PCDHA10: variants seen among roughly 807,000 people sequenced by gnomAD.
PCDHA10 encodes the protein protocadherin alpha 10, also known as protocadherin alpha-10.
PCDHA10 carries 45 observed loss-of-function variants against 61.2 expected under a neutral mutation model. The observed-to-expected ratio is 0.74, with a 90% CI of 0.58 to 0.94. PCDHA10 has a LOEUF of 0.94. PCDHA10 is among the 40% of genes least tolerant of loss of function. The pLI, the probability that PCDHA10 is intolerant of heterozygous loss-of-function variation, is 0.00. For missense variants in PCDHA10, 1,278 were observed against 1,236.2 expected (o/e 1.03, Z -0.51); for synonymous variants, 602 against 548.8 (o/e 1.10, Z -1.35).
At position 140,858,371 on chromosome 5, in the gene PCDHA10, C is replaced by G; in HGVS notation, c.2323C>G (p.Pro775Ala). The stretch of plus-strand genomic sequence containing the variant: ...CCTCATGGCCTTCAGCCCCAGCCTT[C>G]CACCATGCCCAATGGTAGATGTGGA... ...ADLMAFSPSLPPCPMVDVDGE... is the reference protein window; with the variant it reads ...ADLMAFSPSLAPCPMVDVDGE... Residue 775 changes from proline (P) to alanine (A), a missense_variant, in exon 1 of 4, where the codon CCA (proline) becomes GCA (alanine). Physicochemically the swap from Pro to Ala is conservative, Grantham distance 27. Transcript: ENST00000307360. The G allele has an allele frequency of 6.3e-7, 1 of 1,588,766 alleles. No homozygotes were observed. Among genetic ancestry groups the G allele is most frequent in the Non-Finnish European group, 8.6e-7 (1 of 1,161,746 alleles).
Position 141,009,950 on chromosome 5 carries a change from G to C in PCDHA10, c.*13G>C, listed in dbSNP as rs782235440. On this transcript the variant is annotated 3_prime_UTR_variant, in exon 4 of 4. Coordinates refer to ENST00000307360, the MANE Select transcript of PCDHA10 (RefSeq NM_018901.4). ...CAGTGACCAGTGAGGTCCTCAAATGGAAACAAGCCACTTAGCCAGTTTTTG... is the reference window on the plus strand; with the variant it reads ...CAGTGACCAGTGAGGTCCTCAAATGCAAACAAGCCACTTAGCCAGTTTTTG... 12 of 1,593,098 alleles carry C rather than the reference G, an allele frequency of 7.5e-6. No individual in the cohort carries two copies. In the East Asian group the frequency reaches 2.5e-4, roughly 33 times the overall value.
chr5:140,863,444 G>A, intron 1 of PCDHA10: 4 of 585,532 alleles, frequency 6.8e-6, no homozygotes, highest in South Asian at 2.8e-5. Context: ...GGTCTTACTC[G>A]CAGCAAAGGA....
At chr5:140,997,291 G>C (rs2097766119) in intron 3 of PCDHA10, among the ~76,000 whole-genome samples, 1 of 152,030 alleles carries the variant, frequency 6.6e-6, no homozygotes, top group African/African-American at 2.4e-5. Flanking sequence ...TTAACAATGG[G>C]GATACACTGA....
At position 141,010,838 on chromosome 5, in the gene PCDHA10, T is replaced by G. The variant is rs2154002200; in HGVS notation, c.*901T>G. 1.3e-5 allele frequency: 2 copies of G among 153,860 alleles called. No homozygotes were observed. The highest frequency in any genetic ancestry group is 2.9e-5 in the Non-Finnish European group (2 of 68,042). The allele number at this position is 153,860 out of a possible 1,614,324, so 9.5% of individuals were successfully genotyped here. On this transcript the variant is annotated 3_prime_UTR_variant, in exon 4 of 4. Coordinates refer to ENST00000307360, the MANE Select transcript of PCDHA10 (RefSeq NM_018901.4). ...TTTCGCTGTTTGTTGTTTCATAGAT[T>G]TATTTAAAAAAAGAGAAAGTCTATA...
At chr5:140,883,105 C>T in intron 1 of PCDHA10, 1 of 1,614,056 alleles carries the variant, frequency 6.2e-7, no homozygotes, top group Non-Finnish European at 8.5e-7. Context: ...ATATAGTTTA[C>T]TCATTTAGAA....
chr5:141,000,412 TATATATATA>T (rs1297219533), intron 3 of PCDHA10, among the ~76,000 whole-genome samples: 3 of 102,772 alleles, frequency 2.9e-5, no homozygotes, highest in Admixed American at 1.2e-4. Flanking sequence ...TATATATATA[TATATATATA>T]TTTTTTTTTT....
intron 1 of PCDHA10, among the ~76,000 whole-genome samples, chr5:140,971,016 A>G (rs1554232958): frequency 6.6e-6 from 1 of 152,208 alleles, no homozygotes; most frequent in African/African-American, 2.4e-5. Flanking sequence ...AAGTCTTTAG[A>G]TCGTAGCATT....
Position 140,856,935 on chromosome 5 carries a change from A to C in PCDHA10, c.887A>C (p.Glu296Ala). The change falls in exon 1 of 4, where the codon GAA becomes GCA. Residue 296 changes from glutamate to alanine, a missense_variant. Transcript: ENST00000307360. ...ATAAGAAGGAAATTTTGGATAAACG[A>C]AAGGACGGGAGAAATAAAAGTAAAT... ...PTIRRKFWIN[E>A]RTGEIKVNDA... The C allele has an allele frequency of 6.3e-7, 1 of 1,594,236 alleles. No homozygotes were observed. The highest frequency in any genetic ancestry group is 1.1e-5 in the South Asian group (1 of 90,514).
At chr5:140,867,473 GA>G (rs1319417026) in intron 1 of PCDHA10, 2 of 151,968 alleles carry the variant, frequency 1.3e-5, no homozygotes, top group Non-Finnish European at 2.9e-5. Flanking sequence ...ACAACATTGG[GA>G]AAAGAGTAAA....
At chr5:141,003,938 G>A (rs1195315346) in intron 3 of PCDHA10, among the ~76,000 whole-genome samples, 1 of 152,178 alleles carries the variant, frequency 6.6e-6, no homozygotes, top group Non-Finnish European at 1.5e-5. Flanking sequence ...GTCTTTGCCT[G>A]AGGGTGAGCT....
chr5:140,879,390 A>T (rs2057972127), intron 1 of PCDHA10, among the ~76,000 whole-genome samples: 1 of 152,202 alleles, frequency 6.6e-6, no homozygotes, highest in Admixed American at 6.5e-5. Context: ...TTGGAGAAAC[A>T]GTTTGTGTGT....
intron 1 of PCDHA10, among the ~76,000 whole-genome samples, chr5:140,909,158 A>G (rs2074345366): frequency 6.6e-6 from 1 of 152,338 alleles, no homozygotes; most frequent in Non-Finnish European, 1.5e-5. Flanking sequence ...TATGGAAGGG[A>G]AAATCAATCA....
At chr5:140,925,257 C>A (rs1336613869) in intron 1 of PCDHA10, among the ~76,000 whole-genome samples, 2 of 152,110 alleles carry the variant, frequency 1.3e-5, no homozygotes, top group East Asian at 3.8e-4. Context: ...AACTTTAATT[C>A]TTGATCTGTG....
intron 1 of PCDHA10, among the ~76,000 whole-genome samples, chr5:140,961,599 G>T (rs1012408317): frequency 6.6e-6 from 1 of 152,062 alleles, no homozygotes; most frequent in African/African-American, 2.4e-5. Context: ...AATGATTCTA[G>T]TAAATGAAAC....
intron 1 of PCDHA10, chr5:140,927,199 G>A: frequency 4.3e-6 from 7 of 1,614,128 alleles, no homozygotes; most frequent in Non-Finnish European, 5.9e-6. Context: ...GGTGCTCGAG[G>A]ACCCGCTGGA....
chr5:140,862,092 C>G (rs987479365), intron 1 of PCDHA10: 1 of 156,922 alleles, frequency 6.4e-6, no homozygotes, highest in African/African-American at 2.4e-5. Context: ...AGCCCTTTTT[C>G]GCATAGATTC....
At chr5:140,929,010 G>A in intron 1 of PCDHA10, 2 of 1,614,128 alleles carry the variant, frequency 1.2e-6, no homozygotes, top group Non-Finnish European at 1.7e-6. Flanking sequence ...TGTGTACCAA[G>A]TTGCACCAGA....
chr5:140,875,355 T>C (rs909094206), intron 1 of PCDHA10: 8 of 1,446,356 alleles, frequency 5.5e-6, no homozygotes, highest in Non-Finnish European at 7.3e-6. Flanking sequence ...ATGACTGTGA[T>C]GCTGGAAAAA....
intron 1 of PCDHA10, among the ~76,000 whole-genome samples, chr5:140,893,688 C>G (rs903086896): frequency 6.6e-6 from 1 of 152,168 alleles, no homozygotes; most frequent in Admixed American, 6.5e-5. Context: ...TATATCATCT[C>G]ATTCTATCCT....
Sources: gnomAD v4.1 joint callset for allele counts (sites outside exome capture counted in the v4.1 genomes callset) on GRCh38, gnomAD v4.1.1 for gene constraint, MANE v1.5 for transcripts, NCBI Gene and HGNC (gene_info 2026-07-23, HGNC 2026-07-21) for gene names.